Variants in NUBPL observed in about 807,000 individuals in gnomAD.
The protein encoded by NUBPL is NUBP iron-sulfur cluster assembly factor, mitochondrial, also known as iron-sulfur cluster transfer protein NUBPL.
Under a neutral mutation model 45.7 loss-of-function variants are expected in NUBPL, and 31 were observed. The ratio of observed to expected loss-of-function variants is 0.68; its 90% CI spans 0.51 to 0.92. NUBPL has a LOEUF of 0.92. NUBPL is among the 40% of genes least tolerant of loss of function. NUBPL has a pLI of 0.00. For synonymous variants in NUBPL, 144 were observed against 140.9 expected (o/e 1.02, Z -0.15); for missense variants, 401 against 398.7 (o/e 1.01, Z -0.05).
At chr14:31,574,273 T>G (rs1032344696) in intron 3 of NUBPL, among the ~76,000 whole-genome samples, 1 of 152,074 alleles carries the variant, frequency 6.6e-6, no homozygotes, top group African/African-American at 2.4e-5. Flanking sequence ...AAAAAATTTT[T>G]TTTTTTTTGA....
intron 7 of NUBPL, among the ~76,000 whole-genome samples, chr14:31,822,495 A>G (rs937097999): frequency 1.3e-5 from 2 of 152,154 alleles, no homozygotes; most frequent in Non-Finnish European, 2.9e-5. Context: ...AAACTTATAT[A>G]CTATACTAAA....
chr14:31,812,340 C>T (rs973019244), intron 7 of NUBPL, among the ~76,000 whole-genome samples: 2 of 152,246 alleles, frequency 1.3e-5, no homozygotes, highest in African/African-American at 4.8e-5. Flanking sequence ...ACTCAATCCT[C>T]AGCAATGGCA....
intron 4 of NUBPL, among the ~76,000 whole-genome samples, chr14:31,664,767 G>A (rs144174459): frequency 0.03 from 4,517 of 152,248 alleles, 99 homozygotes; most frequent in Non-Finnish European, 0.048. Context: ...GAATTAGGGA[G>A]GAGTCCCTCT....
At chr14:31,631,481 CA>C (rs1262735234) in intron 4 of NUBPL, among the ~76,000 whole-genome samples, 18 of 134,096 alleles carry the variant, frequency 1.3e-4, no homozygotes, top group Non-Finnish European at 1.4e-4. Flanking sequence ...CACACACACA[CA>C]CCCCCACCCC....
At chr14:31,789,249 C>T (rs1229854320) in intron 7 of NUBPL, among the ~76,000 whole-genome samples, 1 of 151,984 alleles carries the variant, frequency 6.6e-6, no homozygotes, top group Admixed American at 6.6e-5. Flanking sequence ...TGACGTGAAC[C>T]CAGGAGGCAG....
intron 4 of NUBPL, among the ~76,000 whole-genome samples, chr14:31,612,434 C>T (rs766053470): frequency 2.6e-5 from 4 of 152,116 alleles, no homozygotes; most frequent in Admixed American, 2.0e-4. Flanking sequence ...GAGGCCAAGG[C>T]GGGCGGATCA....
At chr14:31,818,493 A>G (rs551615644) in intron 7 of NUBPL, among the ~76,000 whole-genome samples, 1 of 152,304 alleles carries the variant, frequency 6.6e-6, no homozygotes, top group African/African-American at 2.4e-5. Flanking sequence ...ATGTTGATAT[A>G]GCATTGTTTC....
chr14:31,747,437 T>C (rs958871167), intron 6 of NUBPL, among the ~76,000 whole-genome samples: 3 of 151,690 alleles, frequency 2.0e-5, no homozygotes, highest in African/African-American at 7.3e-5. Context: ...GCATCCGGCC[T>C]GTCCTGGGCT....
chr14:31,590,405 T>C (rs2139523673), intron 3 of NUBPL, among the ~76,000 whole-genome samples: 1 of 152,208 alleles, frequency 6.6e-6, no homozygotes, highest in Non-Finnish European at 1.5e-5. Context: ...CGGAGCAGTG[T>C]TGGAAGGGTC....
chr14:31,605,542 A>G (rs1309764148), intron 4 of NUBPL, among the ~76,000 whole-genome samples: 1 of 152,184 alleles, frequency 6.6e-6, no homozygotes. Flanking sequence ...CTCATGGCAC[A>G]GTTTTCTGCT....
intron 6 of NUBPL, among the ~76,000 whole-genome samples, chr14:31,702,801 C>G (rs185875707): frequency 4.5e-4 from 68 of 152,324 alleles, no homozygotes; most frequent in Non-Finnish European, 8.5e-4. Context: ...ATTAGCCTCT[C>G]TGGTCATTAA....
At chr14:31,657,840 A>G (rs2036176565) in intron 4 of NUBPL, among the ~76,000 whole-genome samples, 1 of 152,144 alleles carries the variant, frequency 6.6e-6, no homozygotes. Flanking sequence ...TACTATTGCT[A>G]CTTAAAAATG....
At chr14:31,825,093 C>T (rs1268269588) in intron 7 of NUBPL, among the ~76,000 whole-genome samples, 1 of 152,116 alleles carries the variant, frequency 6.6e-6, no homozygotes, top group African/African-American at 2.4e-5. Flanking sequence ...AATTTGCCAT[C>T]TCCATCCACT....
intron 4 of NUBPL, among the ~76,000 whole-genome samples, chr14:31,653,344 G>A (rs2036058491): frequency 6.6e-6 from 1 of 152,096 alleles, no homozygotes; most frequent in South Asian, 2.1e-4. Context: ...GGCGTACTTT[G>A]GTCCTTATCT....
At chr14:31,831,683 A>G (rs1190217286) in intron 8 of NUBPL, among the ~76,000 whole-genome samples, 2 of 152,160 alleles carry the variant, frequency 1.3e-5, no homozygotes, top group East Asian at 3.9e-4. Context: ...TCAGGAATAC[A>G]CAAGTTGTGT....
intron 4 of NUBPL, among the ~76,000 whole-genome samples, chr14:31,666,229 A>AT (rs1491441944): frequency 2.7e-4 from 2 of 7,430 alleles, no homozygotes; most frequent in East Asian, 7.9e-3. Flanking sequence ...TATATTTAAG[A>AT]TATATATATA....
At chr14:31,658,543 C>T (rs866685909) in intron 4 of NUBPL, among the ~76,000 whole-genome samples, 2 of 151,128 alleles carry the variant, frequency 1.3e-5, no homozygotes, top group Admixed American at 6.6e-5. Context: ...AAGGGAGTCT[C>T]ACTCTGTCAC....
chr14:31,739,348 G>A (rs1340221590), intron 6 of NUBPL, among the ~76,000 whole-genome samples: 4 of 151,222 alleles, frequency 2.6e-5, no homozygotes, highest in Non-Finnish European at 4.4e-5. Context: ...GCCTCCCAGA[G>A]TGCTGGGATT....
chr14:31,584,402 G>T (rs1258606727), intron 3 of NUBPL, among the ~76,000 whole-genome samples: 1 of 152,166 alleles, frequency 6.6e-6, no homozygotes, highest in African/African-American at 2.4e-5. Context: ...TGGGATTATA[G>T]GCATGAGCCA....
Sources: allele counts gnomAD v4.1 joint callset (sites outside exome capture counted in the v4.1 genomes callset), GRCh38; gene constraint gnomAD v4.1.1; transcripts MANE v1.5; gene names NCBI Gene and HGNC (gene_info 2026-07-23, HGNC 2026-07-21).